WNK3: variants seen among roughly 807,000 people sequenced by gnomAD.
WNK3 encodes the protein WNK lysine deficient protein kinase 3, also known as serine/threonine-protein kinase WNK3.
In WNK3, 18 loss-of-function variants were observed where a neutral mutation model predicts 116.7. That is an observed-to-expected ratio of 0.15 (90% CI 0.11 to 0.23). The LOEUF is 0.23. Among genes scored for constraint, WNK3 ranks in the 10% least tolerant of loss-of-function variants. The pLI is 1.00. For missense variants in WNK3, 993 were observed against 1,323.8 expected (o/e 0.75, Z 3.88); for synonymous variants, 404 against 469.4 (o/e 0.86, Z 1.80).
intron 20 of WNK3, among the ~76,000 whole-genome samples, chrX:54,233,754 C>T (rs1259722690): frequency 2.0e-5 from 2 of 101,441 alleles, no homozygotes; most frequent in Non-Finnish European, 4.0e-5. Flanking sequence ...GCAGGAGGAT[C>T]GCTTGAGCCC....
intron 22 of WNK3, among the ~76,000 whole-genome samples, chrX:54,213,553 C>CAAAAAAAAAAAAAAA (rs782580375): frequency 1.1e-3 from 15 of 14,265 alleles, no homozygotes; most frequent in African/African-American, 3.4e-3. Context: ...GACTCCGTCT[C>CAAAAAAAAAAAAAAA]AAAAAAAAAA....
intron 11 of WNK3, among the ~76,000 whole-genome samples, chrX:54,257,215 G>T (rs2068201680): frequency 9.0e-6 from 1 of 110,622 alleles, no homozygotes; most frequent in South Asian, 3.9e-4. Flanking sequence ...CCCCAACCCA[G>T]CAACAGAAGA....
chrX:54,333,542 A>G, exon 2 of WNK3: 1 of 1,211,194 alleles, frequency 8.3e-7, no homozygotes, highest in South Asian at 1.8e-5. Flanking sequence ...CAGAGAAGGT[A>G]CTGTTTTTCT....
exon 18 of WNK3, chrX:54,238,906 T>C (rs1302481742): frequency 8.4e-7 from 1 of 1,188,607 alleles, no homozygotes; most frequent in African/African-American, 1.8e-5. Flanking sequence ...GCTGGTTGAC[T>C]GCCGTAGCCT....
At chrX:54,317,724 C>T (rs1258650675) in intron 2 of WNK3, among the ~76,000 whole-genome samples, 9 of 107,773 alleles carry the variant, frequency 8.4e-5, no homozygotes, top group South Asian at 4.3e-4. Flanking sequence ...CTCCGCCTCC[C>T]GGGTTCACGC....
intron 17 of WNK3, among the ~76,000 whole-genome samples, chrX:54,241,021 G>A (rs1324927810): frequency 1.8e-5 from 2 of 111,704 alleles, no homozygotes; most frequent in Non-Finnish European, 3.8e-5. Context: ...AGAAGGAACA[G>A]GCAGGCAGTT....
At chrX:54,336,487 G>A (rs782469169) in intron 1 of WNK3, among the ~76,000 whole-genome samples, 71 of 111,444 alleles carry the variant, frequency 6.4e-4, no homozygotes, top group Non-Finnish European at 1.2e-3. Flanking sequence ...GAAAAAAAAT[G>A]CCTGAGTTGA....
chrX:54,328,036 G>A (rs782210522), intron 2 of WNK3, among the ~76,000 whole-genome samples: 174 of 109,015 alleles, frequency 1.6e-3, no homozygotes, highest in African/African-American at 5.6e-3. Context: ...TAAGCAAGAG[G>A]TAGTGTCAAT....
chrX:54,342,343 ATC>A (rs781818125), intron 1 of WNK3, among the ~76,000 whole-genome samples: 16 of 110,955 alleles, frequency 1.4e-4, no homozygotes, highest in African/African-American at 5.2e-4. Flanking sequence ...AAGGTGGGCA[ATC>A]ACCTGTGGTC....
chrX:54,293,240 G>A lies in WNK3; in HGVS notation c.1781C>T (p.Thr594Met), dbSNP rs782309322. 8.3e-6 allele frequency: 10 copies of A among 1,209,013 alleles called. No homozygotes were observed. The East Asian group carries it at 1.2e-4, about 14-fold the overall frequency. The change falls in exon 9 of 24, where the codon ACG becomes ATG. Residue 594 changes from threonine to methionine, a missense_variant. Thr to Met is a moderately conservative substitution (Grantham distance 81). This residue lies in a region of WNK3 where 836 missense variants were observed against 976.5 expected (regional missense o/e 0.86). Coordinates refer to ENST00000354646, the Ensembl canonical transcript of WNK3. Reference sequence around the variant, plus strand: ...ATTAGAAACCATTTGAGAGCCCATCGTTTGATTTGAGGAATAGGCTACACT... The same window carrying A: ...ATTAGAAACCATTTGAGAGCCCATCATTTGATTTGAGGAATAGGCTACACT...
At chrX:54,271,473 C>T (rs1490244461) in intron 10 of WNK3, among the ~76,000 whole-genome samples, 2 of 111,627 alleles carry the variant, frequency 1.8e-5, no homozygotes, top group African/African-American at 6.5e-5. Flanking sequence ...ATTCTTCAAA[C>T]TACACAGGTA....
At chrX:54,237,894 A>T (rs890813788) in intron 19 of WNK3, among the ~76,000 whole-genome samples, 12 of 111,744 alleles carry the variant, frequency 1.1e-4, no homozygotes, top group African/African-American at 3.9e-4. Context: ...GAGGGGATGC[A>T]TGCAAGATGA....
intron 22 of WNK3, among the ~76,000 whole-genome samples, chrX:54,217,319 A>C (rs1198975587): frequency 1.1e-5 from 1 of 94,477 alleles, no homozygotes; most frequent in Non-Finnish European, 2.1e-5. Context: ...CTCCATCAAA[A>C]AAAAAAAAAA....
Position 54,259,129 on chromosome X carries a change from A to C in WNK3, c.2102+145T>G, listed in dbSNP as rs192375847. 4.1e-3 allele frequency: 1,334 copies of C among 325,975 alleles called. 16 individuals carry two copies. Among genetic ancestry groups the C allele is most frequent in the African/African-American group, 0.032 (1,180 of 36,952 alleles). 26.9% of individuals were successfully genotyped at this position (325,975 alleles called of 1,213,427 possible). A position where few individuals can be genotyped will look rare whatever the true frequency, so the allele number is the denominator to read the frequency against. ...ACTGACATAAAAAAGCAAAAAAAAAAAAAAAAACTATCGTCTTTATTAAAC... is the reference window on the plus strand; with the variant it reads ...ACTGACATAAAAAAGCAAAAAAAAACAAAAAAACTATCGTCTTTATTAAAC... On this transcript the variant is annotated intron_variant, in intron 11 of 23. Transcript: ENST00000354646.
chrX:54,348,857 A>G (rs2069474018), intron 1 of WNK3, among the ~76,000 whole-genome samples: 1 of 112,150 alleles, frequency 8.9e-6, no homozygotes, highest in South Asian at 3.7e-4. Context: ...CACATGTTAG[A>G]AAGTAGGAGA....
intron 1 of WNK3, among the ~76,000 whole-genome samples, chrX:54,352,991 T>C (rs1290042702): frequency 1.8e-5 from 2 of 112,098 alleles, no homozygotes; most frequent in Non-Finnish European, 3.8e-5. Flanking sequence ...TATTATATGA[T>C]TCCATTTATG....
intron 17 of WNK3, among the ~76,000 whole-genome samples, chrX:54,247,114 A>C (rs2068080815): frequency 9.0e-6 from 1 of 111,602 alleles, no homozygotes; most frequent in African/African-American, 3.2e-5. Flanking sequence ...TCATAGAAGT[A>C]TTTTAGGGGA....
exon 2 of WNK3, chrX:54,333,233 C>T (rs782191993): frequency 1.7e-6 from 2 of 1,208,967 alleles, no homozygotes; most frequent in South Asian, 1.8e-5. Flanking sequence ...TGTCAAATTT[C>T]AGGAATCTGC....
intron 1 of WNK3, among the ~76,000 whole-genome samples, chrX:54,349,293 G>A (rs958806047): frequency 2.9e-4 from 33 of 112,063 alleles, no homozygotes; most frequent in African/African-American, 9.4e-4. Flanking sequence ...AGCCGAGATC[G>A]TGCCACTGCA....
Sources: allele counts gnomAD v4.1 joint callset (sites outside exome capture counted in the v4.1 genomes callset), GRCh38; gene constraint gnomAD v4.1.1; regional missense constraint gnomAD v4.1.1; transcripts MANE v1.5; gene names NCBI Gene and HGNC (gene_info 2026-07-23, HGNC 2026-07-21).